The following COP1 variants were observed in gnomAD, a reference collection of about 807,000 sequenced individuals.
COP1 encodes the protein E3 ubiquitin-protein ligase COP1.
A neutral mutation model predicts 101.3 loss-of-function variants in COP1; 24 were observed. That is an observed-to-expected ratio of 0.24 (90% CI 0.17 to 0.33). COP1 has a LOEUF of 0.33. Ranked by LOEUF, COP1 falls within the 10% of genes least tolerant of loss-of-function variation. The pLI is 1.00. For synonymous variants in COP1, 347 were observed against 341.9 expected, an observed-to-expected ratio of 1.01 and a Z score of -0.17; for missense variants, 663 against 906.2, an observed-to-expected ratio of 0.73 and a Z score of 3.45.
chr1:176,197,552 C>T (rs1699828011), intron 1 of COP1, among the ~76,000 whole-genome samples: 1 of 152,116 alleles, frequency 6.6e-6, no homozygotes, highest in Non-Finnish European at 1.5e-5. Context: ...TTTGTTACGG[C>T]AGCCCAAGCA....
At chr1:175,956,579 A>T (rs192815114) in intron 18 of COP1, among the ~76,000 whole-genome samples, 137 of 152,320 alleles carry the variant, frequency 9.0e-4, no homozygotes, top group Non-Finnish European at 1.8e-3. Context: ...TCTTTTTCTT[A>T]AAGTGACAAT....
At chr1:176,141,718 A>G (rs891379513) in intron 6 of COP1, among the ~76,000 whole-genome samples, 2 of 150,716 alleles carry the variant, frequency 1.3e-5, no homozygotes, top group African/African-American at 4.9e-5. Flanking sequence ...TAACCCTTTC[A>G]TAGCACTTTT....
intron 9 of COP1, among the ~76,000 whole-genome samples, chr1:176,110,049 G>C (rs1372543954): frequency 6.6e-6 from 1 of 152,124 alleles, no homozygotes; most frequent in East Asian, 1.9e-4. Flanking sequence ...CAGGTACTCA[G>C]AGGAGTCTTC....
chr1:176,058,185 G>GTAT (rs765361938), intron 11 of COP1, among the ~76,000 whole-genome samples: 1 of 92,092 alleles, frequency 1.1e-5, no homozygotes, highest in Non-Finnish European at 2.1e-5. Flanking sequence ...CGGTAGGGAG[G>GTAT]GGGGGGGTCA....
chr1:175,994,415 G>A (rs1403565068), intron 15 of COP1, among the ~76,000 whole-genome samples: 2 of 152,124 alleles, frequency 1.3e-5, no homozygotes, highest in African/African-American at 4.8e-5. Context: ...AAAGGTAAAT[G>A]GACTAAATGC....
rs1347821288 is a variant in COP1, at chr1:176,184,641, G to A, written c.459C>T (p.His153=). The part of the protein sequence containing the change: ...IEEAYMTKCG[H]SFCYKCIHQS... ...CAATAGAATTGTCTTACCAAAAGCT[G>A]TGGCCACATTTTGTCATGTATGCTT... is the stretch of plus-strand genomic sequence containing the variant. The change falls in exon 2 of 20, where the codon CAC becomes CAT. Residue 153 remains histidine (H), a synonymous_variant. Coordinates refer to ENST00000367669, the MANE Select transcript of COP1 (RefSeq NM_022457.7). 1 of 1,603,420 alleles carries A rather than the reference G, an allele frequency of 6.2e-7. No individual in the cohort carries two copies. The highest frequency in any genetic ancestry group is 8.5e-7 in the Non-Finnish European group (1 of 1,173,372).
intron 3 of COP1, chr1:176,168,668 A>C: frequency 3.5e-6 from 1 of 283,994 alleles, no homozygotes; most frequent in Non-Finnish European, 7.2e-6. Flanking sequence ...CCCTTACCTG[A>C]ATCAGCCTTT....
chr1:176,024,546 A>G (rs1667348585), intron 15 of COP1, among the ~76,000 whole-genome samples: 1 of 152,214 alleles, frequency 6.6e-6, no homozygotes, highest in Non-Finnish European at 1.5e-5. Context: ...TTAATTGTGA[A>G]GGACTAAACG....
intron 18 of COP1, among the ~76,000 whole-genome samples, chr1:175,970,523 A>G (rs1213457129): frequency 6.6e-6 from 1 of 152,188 alleles, no homozygotes. Context: ...CAAACACATG[A>G]GATCAGGAAA....
intron 11 of COP1, among the ~76,000 whole-genome samples, chr1:176,054,324 G>A (rs1673091822): frequency 6.6e-6 from 1 of 151,870 alleles, no homozygotes; most frequent in Admixed American, 6.6e-5. Context: ...ACCATGCCCA[G>A]CTAATTTTTG....
chr1:176,137,142 T>A (rs920835033), intron 6 of COP1, among the ~76,000 whole-genome samples: 8 of 152,196 alleles, frequency 5.3e-5, no homozygotes, highest in African/African-American at 1.9e-4. Flanking sequence ...ACTTCCTTCT[T>A]AAGGGTTTTA....
At chr1:176,186,847 C>T (rs371773395) in intron 1 of COP1, among the ~76,000 whole-genome samples, 1 of 152,042 alleles carries the variant, frequency 6.6e-6, no homozygotes, top group African/African-American at 2.4e-5. Flanking sequence ...GAAGGTAGGA[C>T]TATGGTTTGC....
intron 6 of COP1, among the ~76,000 whole-genome samples, chr1:176,148,218 AT>A (rs1205070030): frequency 6.6e-6 from 1 of 152,162 alleles, no homozygotes; most frequent in African/African-American, 2.4e-5. Flanking sequence ...ATATTTAGCT[AT>A]TCAACACTTC....
chr1:176,010,042 C>T (rs780191394), intron 15 of COP1, among the ~76,000 whole-genome samples: 8 of 151,900 alleles, frequency 5.3e-5, no homozygotes, highest in Non-Finnish European at 1.2e-4. Context: ...AAAAAATATC[C>T]AGTCTGCAAA....
intron 15 of COP1, among the ~76,000 whole-genome samples, chr1:175,998,458 T>C (rs1349705468): frequency 6.8e-6 from 1 of 146,876 alleles, no homozygotes; most frequent in Non-Finnish European, 1.5e-5. Flanking sequence ...ACTTAAAGTA[T>C]AATAATAATA....
At chr1:175,949,342 T>C (rs1293595433) in intron 18 of COP1, among the ~76,000 whole-genome samples, 1 of 151,938 alleles carries the variant, frequency 6.6e-6, no homozygotes, top group Non-Finnish European at 1.5e-5. Context: ...GGGATTTATT[T>C]ACTCTTTTAG....
chr1:176,128,271 GAA>G (rs1688355086), intron 8 of COP1, among the ~76,000 whole-genome samples: 1 of 151,996 alleles, frequency 6.6e-6, no homozygotes, highest in Non-Finnish European at 1.5e-5. Flanking sequence ...AGAGTTTCAA[GAA>G]AGGTTTTCAG....
At chr1:176,008,023 C>T (rs1211145146) in intron 15 of COP1, among the ~76,000 whole-genome samples, 1 of 152,148 alleles carries the variant, frequency 6.6e-6, no homozygotes, top group South Asian at 2.1e-4. Context: ...CCCTCGGAGC[C>T]AGGTGCGGGA....
chr1:176,165,798 A>C (rs1695046135), intron 3 of COP1, among the ~76,000 whole-genome samples: 1 of 152,248 alleles, frequency 6.6e-6, no homozygotes, highest in Non-Finnish European at 1.5e-5. Context: ...CTGGAAATGT[A>C]GGCAGATCAG....
Sources: allele counts gnomAD v4.1 joint callset (sites outside exome capture counted in the v4.1 genomes callset), GRCh38; gene constraint gnomAD v4.1.1; transcripts MANE v1.5; gene names NCBI Gene and HGNC (gene_info 2026-07-23, HGNC 2026-07-21).